The following CUEDC1 variants were observed in gnomAD, a reference collection of about 807,000 sequenced individuals.
CUEDC1 encodes CUE domain-containing protein 1.
CUEDC1 carries 30 observed loss-of-function variants against 43.7 expected under a neutral mutation model. The ratio of observed to expected loss-of-function variants is 0.69; its 90% CI spans 0.51 to 0.93. CUEDC1 has a LOEUF of 0.93. Ranked by LOEUF, CUEDC1 falls within the 40% of genes least tolerant of loss-of-function variation. The probability of loss-of-function intolerance (pLI) is 0.00; values close to 1 mark genes in which losing one functional copy is unlikely to be tolerated. For synonymous variants in CUEDC1, 223 were observed against 223.6 expected (o/e 1.00, Z 0.02); for missense variants, 486 against 549.0 (o/e 0.89, Z 1.15).
At position 57,870,985 on chromosome 17, in the gene CUEDC1, G is replaced by A. The variant is rs1431596130; in HGVS notation, c.868+301C>T. ...GGCGTGAGCCACCGCACCTGGCCAT[G>A]TGTCATTGACTAGCCTACACTCGAG... On this transcript the variant is annotated intron_variant, in intron 6 of 10. Coordinates refer to ENST00000577830, the MANE Select transcript of CUEDC1 (RefSeq NM_001271875.2). 4.6e-5 allele frequency among the ~76,000 whole-genome samples: 7 copies of A among 152,222 alleles called. 1 individual carries two copies.
chr17:57,868,339 C>G, intron 7 of CUEDC1, 96 bp from the exon 8 acceptor site: 1 of 1,107,240 alleles, frequency 9.0e-7, no homozygotes, highest in East Asian at 2.4e-5. Flanking sequence ...GGACCAAGGC[C>G]CCCCGGAGAG....
chr17:57,912,878 AC>A (rs1309961906), intron 1 of CUEDC1, among the ~76,000 whole-genome samples: 2 of 152,110 alleles, frequency 1.3e-5, no homozygotes, highest in African/African-American at 4.8e-5. Context: ...TCACTCTGTC[AC>A]CTAGGCTGTA....
chr17:57,935,465 C>T (rs1309456873), intron 1 of CUEDC1, among the ~76,000 whole-genome samples: 1 of 151,702 alleles, frequency 6.6e-6, no homozygotes, highest in African/African-American at 2.4e-5. Flanking sequence ...GCTTACTCTT[C>T]TTTTCATTCT....
In CUEDC1 at chr17:57,885,440, A is replaced by C. The variant is rs759993237; in HGVS notation, c.125T>G (p.Val42Gly). The C allele has an allele frequency of 8.8e-6, 14 of 1,599,850 alleles. No individual in the cohort carries two copies. The highest frequency in any genetic ancestry group is 1.2e-5 in the Non-Finnish European group (14 of 1,175,062). ...ELNNSRPARQ[V>G]RRLEFNQAMD... ...GGCCTGGTTGAACTCCAGGCGGCGC[A>C]CCTGGCGGGCAGGCCGGCTGTTGTT... is the stretch of plus-strand genomic sequence containing the variant. The change falls in exon 2 of 11, where the codon GTG becomes GGG. Residue 42 changes from valine (V) to glycine (G), a missense_variant. Transcript: ENST00000577830.
rs1281945173 is a variant in CUEDC1 at position 57,894,316 on chromosome 17, C to A, written c.-315-8437G>T. 2.6e-5 allele frequency among the ~76,000 whole-genome samples: 4 copies of A among 152,322 alleles called. No individual in the cohort carries two copies. The East Asian group carries it at 7.7e-4, about 29-fold the overall frequency. ...GGCATGATGCCTTGGCCACCCCCAC[C>A]CCTATCACTTAGATCTGTAAGGGTG... On this transcript the variant is annotated intron_variant, in intron 1 of 10. Transcript: ENST00000577830.
At chr17:57,949,591 G>A (rs915119801) in intron 1 of CUEDC1, among the ~76,000 whole-genome samples, 10 of 22,960 alleles carry the variant, frequency 4.4e-4, no homozygotes, top group African/African-American at 2.0e-3. Flanking sequence ...TTTTTTTTTT[G>A]AGGTAGGGTC....
intron 1 of CUEDC1, among the ~76,000 whole-genome samples, chr17:57,926,882 C>T (rs553037194): frequency 4.6e-5 from 7 of 152,194 alleles, no homozygotes; most frequent in Admixed American, 1.3e-4. Flanking sequence ...GGTGCCACAC[C>T]GGGCCTCTTG....
chr17:57,891,571 G>A (rs578140981), intron 1 of CUEDC1, among the ~76,000 whole-genome samples: 11 of 152,166 alleles, frequency 7.2e-5, no homozygotes, highest in African/African-American at 1.2e-4. Flanking sequence ...GAGCTTTACC[G>A]TGGCCAACCC....
At chr17:57,878,161 C>T (rs2074153470) in intron 3 of CUEDC1, among the ~76,000 whole-genome samples, 1 of 152,178 alleles carries the variant, frequency 6.6e-6, no homozygotes, top group African/African-American at 2.4e-5. Flanking sequence ...AGACTTTTCT[C>T]ATTCGGGAGG....
At chr17:57,918,321 T>C (rs2074664377) in intron 1 of CUEDC1, among the ~76,000 whole-genome samples, 1 of 152,202 alleles carries the variant, frequency 6.6e-6, no homozygotes, top group East Asian at 1.9e-4. Context: ...GGGAACCCTC[T>C]GGGTCTGCCA....
chr17:57,884,086 A>G (rs898826991), intron 2 of CUEDC1, among the ~76,000 whole-genome samples: 5 of 151,246 alleles, frequency 3.3e-5, no homozygotes, highest in Non-Finnish European at 4.4e-5. Flanking sequence ...ATGGCTCACT[A>G]CTGTTTCCAT....
At chr17:57,865,298 C>T (rs1051957104) in intron 10 of CUEDC1, among the ~76,000 whole-genome samples, 1 of 152,132 alleles carries the variant, frequency 6.6e-6, no homozygotes, top group Non-Finnish European at 1.5e-5. Flanking sequence ...GAAGGGGCTG[C>T]AGTGCCTGGT....
rs1166739991 is a variant in CUEDC1, at chr17:57,885,803, C to T, written c.-239G>A. ...CTCGCGGGGCGGTGGCATGCGGGAC[C>T]GGGCCGTGCTGGGGCTGGGCGGCCG... On this transcript the variant is annotated 5_prime_UTR_variant, in exon 2 of 11. Coordinates refer to ENST00000577830, the MANE Select transcript of CUEDC1 (RefSeq NM_001271875.2). 6.8e-6 allele frequency: 3 copies of T among 441,666 alleles called. No homozygotes were observed. Among genetic ancestry groups the T allele is most frequent in the Non-Finnish European group, 7.3e-6 (2 of 275,768 alleles). The allele number at this position is 441,666 out of a possible 1,614,324, so 27.4% of individuals were successfully genotyped here.
chr17:57,898,978 A>G (rs2074441880), intron 1 of CUEDC1, among the ~76,000 whole-genome samples: 1 of 152,230 alleles, frequency 6.6e-6, no homozygotes, highest in Non-Finnish European at 1.5e-5. Flanking sequence ...GAGGGGCTCC[A>G]TGGGCTCTGG....
chr17:57,902,175 G>A (rs1210562573), intron 1 of CUEDC1, among the ~76,000 whole-genome samples: 1 of 150,242 alleles, frequency 6.7e-6, no homozygotes, highest in African/African-American at 2.5e-5. Context: ...TGGAAGACAA[G>A]AGCGAGACTC....
At position 57,876,072 on chromosome 17, in the gene CUEDC1, A is replaced by G. The variant is rs376573373; in HGVS notation, c.465-2355T>C. Among the ~76,000 whole-genome samples the G allele has an allele frequency of 3.9e-5, 6 of 152,166 alleles. No individual in the cohort carries two copies. The East Asian group carries it at 7.7e-4, about 20-fold the overall frequency. On this transcript the variant is annotated intron_variant, in intron 3 of 10. Coordinates refer to ENST00000577830, the MANE Select transcript of CUEDC1 (RefSeq NM_001271875.2). ...TCTCGGCACCCCAGTGACTGGAGGTAGCAGATGGGGGCCAGGCCATTCCCC... is the reference window on the plus strand; with the variant it reads ...TCTCGGCACCCCAGTGACTGGAGGTGGCAGATGGGGGCCAGGCCATTCCCC...
At chr17:57,893,374 T>TGTGTGTGTGTGTG (rs397762963) in intron 1 of CUEDC1, among the ~76,000 whole-genome samples, 3 of 151,852 alleles carry the variant, frequency 2.0e-5, no homozygotes, top group Non-Finnish European at 2.9e-5. Context: ...TGTGTGTGTG[T>TGTGTGTGTGTGTG]TTCAGGCAGC....
At chr17:57,938,655 A>T (rs1203862467) in intron 1 of CUEDC1, among the ~76,000 whole-genome samples, 5 of 151,670 alleles carry the variant, frequency 3.3e-5, no homozygotes, top group South Asian at 2.1e-4. Context: ...TTATTTATTT[A>T]TTATTTATTT....
intron 1 of CUEDC1, among the ~76,000 whole-genome samples, chr17:57,923,939 G>C (rs2074720807): frequency 6.6e-6 from 1 of 152,178 alleles, no homozygotes; most frequent in African/African-American, 2.4e-5. Flanking sequence ...ACAGGACAGA[G>C]CCAGAAATGT....
Sources: allele counts gnomAD v4.1 joint callset (sites outside exome capture counted in the v4.1 genomes callset), GRCh38; gene constraint gnomAD v4.1.1; transcripts MANE v1.5; gene names NCBI Gene and HGNC (gene_info 2026-07-23, HGNC 2026-07-21).